Variants in DYNC2I2 observed in about 807,000 individuals in gnomAD.
DYNC2I2 encodes the protein dynein 2 intermediate chain 2, also known as cytoplasmic dynein 2 intermediate chain 2.
Under a neutral mutation model 52.0 loss-of-function variants are expected in DYNC2I2, and 39 were observed. The observed-to-expected ratio is 0.75, with a 90% confidence interval of 0.58 to 0.98. DYNC2I2 has a LOEUF of 0.98. DYNC2I2 is among the 50% of genes least tolerant of loss of function. The pLI is 0.00. For missense variants in DYNC2I2, 743 were observed against 728.4 expected (o/e 1.02, Z -0.23); for synonymous variants, 359 against 321.1 (o/e 1.12, Z -1.26).
chr9:128,683,026 G>A, the DYNC2I2 span, among the ~76,000 whole-genome samples: 8 of 149,074 alleles, frequency 5.4e-5, no homozygotes, highest in African/African-American at 1.7e-4. Context: ...ACAGGGTCCC[G>A]CTCTGTCGCC....
intron 1 of DYNC2I2, among the ~76,000 whole-genome samples, chr9:128,642,370 T>G (rs1209881645): frequency 3.6e-5 from 5 of 140,026 alleles, no homozygotes; most frequent in Non-Finnish European, 6.0e-5. Flanking sequence ...GCAGGAGAAC[T>G]GCTTGAACCC....
upstream of DYNC2I2, among the ~76,000 whole-genome samples, chr9:128,660,391 T>C (rs1384812651): frequency 6.6e-6 from 1 of 151,546 alleles, no homozygotes; most frequent in Admixed American, 6.6e-5. Flanking sequence ...ATTACAGGCA[T>C]GAGCCACTGT....
At chr9:128,683,953 C>T in the DYNC2I2 span, 1 of 1,557,694 alleles carries the variant, frequency 6.4e-7, no homozygotes. Flanking sequence ...AAGACCACCT[C>T]CTGCTCTGGG....
At chr9:128,684,066 T>G in the DYNC2I2 span, 2 of 1,349,898 alleles carry the variant, frequency 1.5e-6, no homozygotes, top group African/African-American at 1.5e-5. Flanking sequence ...ATTGACTCTC[T>G]GATTTTTACC....
In DYNC2I2 at chr9:128,635,975, C is replaced by G. The variant is rs114620319; in HGVS notation, c.704-208G>C. Reference sequence around the variant, plus strand: ...AGCTTTGCCGGACACCCCTGCCCTGCACCTGGCAGCTCCCTCCAGCGTTGC... The same window carrying G: ...AGCTTTGCCGGACACCCCTGCCCTGGACCTGGCAGCTCCCTCCAGCGTTGC... On this transcript the variant is annotated intron_variant, in intron 4 of 8. Transcript: ENST00000372715. The G allele has an allele frequency of 3.6e-3, 2,433 of 669,412 alleles. 43 individuals carry two copies. The highest frequency in any genetic ancestry group is 0.035 in the African/African-American group (1,945 of 55,692). 41.5% of individuals were successfully genotyped at this position (669,412 alleles called of 1,614,324 possible). A position where few individuals can be genotyped will look rare whatever the true frequency, so the allele number is the denominator to read the frequency against.
At chr9:128,647,632 G>C (rs1185478857) in intron 1 of DYNC2I2, among the ~76,000 whole-genome samples, 1 of 151,368 alleles carries the variant, frequency 6.6e-6, no homozygotes, top group Non-Finnish European at 1.5e-5. Context: ...CTACTCAGGA[G>C]GCTGAGACAG....
At chr9:128,644,832 T>G (rs1255149564) in intron 1 of DYNC2I2, among the ~76,000 whole-genome samples, 1 of 152,256 alleles carries the variant, frequency 6.6e-6, no homozygotes, top group Non-Finnish European at 1.5e-5. Context: ...TCTCACACTA[T>G]TTCAAATTTA....
chr9:128,650,646 G>GCC (rs199533029), intron 1 of DYNC2I2, among the ~76,000 whole-genome samples: 22,513 of 51,872 alleles, frequency 0.43, 9,558 homozygotes, highest in Non-Finnish European at 0.5. Context: ...CAGTTGATCT[G>GCC]CAAGGCTCAG....
chr9:128,642,712 GCCACTGCACT>G (rs1045202723), intron 1 of DYNC2I2, among the ~76,000 whole-genome samples: 1 of 151,966 alleles, frequency 6.6e-6, no homozygotes, highest in African/African-American at 2.4e-5. Flanking sequence ...CCGAGATTGT[GCCACTGCACT>G]CCAGCCCGGG....
chr9:128,635,631 A>C (rs760752362), intron 5 of DYNC2I2, 27 bp downstream of exon 5: 73 of 1,569,526 alleles, frequency 4.7e-5, no homozygotes, highest in Non-Finnish European at 5.6e-5. Flanking sequence ...CTCAGGGCCC[A>C]CCCCGCCCGG....
chr9:128,659,494 C>CAAAA (rs1236369943), upstream of DYNC2I2, among the ~76,000 whole-genome samples: 1 of 69,888 alleles, frequency 1.4e-5, no homozygotes. Flanking sequence ...GACTCCGTCT[C>CAAAA]AAAAAAAAAA....
In DYNC2I2 at chr9:128,636,116, C is replaced by G. The variant is rs546799124; in HGVS notation, c.703+165G>C. The G allele has an allele frequency of 5.5e-6, 6 of 1,098,260 alleles. No homozygotes were observed. The Admixed American group carries it at 7.9e-5, about 15-fold the overall frequency. The allele number at this position is 1,098,260 out of a possible 1,614,324, so 68.0% of individuals were successfully genotyped here. ...CCAGACTCCTCCCCCGAGTTCCACC[C>G]CTCAGGGCTCACTGCAGACCTTCAC... On this transcript the variant is annotated intron_variant, in intron 4 of 8. Transcript: ENST00000372715.
chr9:128,656,661 C>G lies in DYNC2I2; in HGVS notation c.66G>C (p.Ala22=), dbSNP rs1303019262. 6.6e-7 allele frequency: 1 copy of G among 1,510,252 alleles called. No homozygotes were observed. Among genetic ancestry groups the G allele is most frequent in the East Asian group, 2.7e-5 (1 of 37,182 alleles). 93.6% of individuals were successfully genotyped at this position (1,510,252 alleles called of 1,614,324 possible). ...QAGSAGVAAL[A]TVGVASGPGP... The stretch of plus-strand genomic sequence containing the variant: ...CCGGGCCGCTCGCAACCCCGACTGT[C>G]GCCAGCGCCGCAACACCAGCGCTTC... Residue 22 remains alanine (A), a synonymous_variant, in exon 1 of 9, where the codon GCG becomes GCC. Transcript: ENST00000372715.
At chr9:128,681,507 G>A in the DYNC2I2 span, among the ~76,000 whole-genome samples, 1 of 152,182 alleles carries the variant, frequency 6.6e-6, no homozygotes, top group Non-Finnish European at 1.5e-5. Flanking sequence ...TCTTGCTGCT[G>A]TGAACATTCT....
chr9:128,682,484 C>G, the DYNC2I2 span, among the ~76,000 whole-genome samples: 147,296 of 152,022 alleles, frequency 0.97, 71,465 homozygotes, highest in Non-Finnish European at 1. Context: ...GGAGACCAGC[C>G]TGGGCAACAT....
chr9:128,666,620 G>A, the DYNC2I2 span, among the ~76,000 whole-genome samples: 18 of 151,748 alleles, frequency 1.2e-4, no homozygotes, highest in African/African-American at 3.6e-4. Context: ...TAATTAGCTG[G>A]GCGTGGTCAG....
chr9:128,671,154 C>T, the DYNC2I2 span, among the ~76,000 whole-genome samples: 6 of 151,582 alleles, frequency 4.0e-5, no homozygotes, highest in South Asian at 4.1e-4. Context: ...TGAAGAACTT[C>T]GGCTGGGCAC....
chr9:128,633,750 C>T lies in DYNC2I2; in HGVS notation c.1605G>A (p.Ala535=), dbSNP rs772894632. Residue 535 remains alanine (A), a synonymous_variant, in exon 9 of 9, where the codon GCG becomes GCA. Coordinates refer to ENST00000372715, the MANE Select transcript of DYNC2I2 (RefSeq NM_052844.4). ...ACCCGCCTCCCGGGACCCCTCAGGCCGCCACCTCTGCTGCCAGGCAGTCCA... is the reference window on the plus strand; with the variant it reads ...ACCCGCCTCCCGGGACCCCTCAGGCTGCCACCTCTGCTGCCAGGCAGTCCA... ...EDLDCLAAEV[A]A 255 of 1,612,726 alleles carry T rather than the reference C, an allele frequency of 1.6e-4. No individual in the cohort carries two copies. Among genetic ancestry groups the T allele is most frequent in the Middle Eastern group, 1.7e-4 (1 of 5,822 alleles).
chr9:128,681,371 G>A, the DYNC2I2 span, among the ~76,000 whole-genome samples: 2 of 152,250 alleles, frequency 1.3e-5, no homozygotes, highest in Non-Finnish European at 2.9e-5. Flanking sequence ...GATTACAGGT[G>A]TGAGCCACCT....
Sources: gnomAD v4.1 joint callset for allele counts (sites outside exome capture counted in the v4.1 genomes callset) on GRCh38, gnomAD v4.1.1 for gene constraint, MANE v1.5 for transcripts, NCBI Gene and HGNC (gene_info 2026-07-23, HGNC 2026-07-21) for gene names.